The following FER1L6 variants were observed in gnomAD, a reference collection of about 807,000 sequenced individuals.
FER1L6 encodes the protein fer-1-like protein 6.
In FER1L6, 177 loss-of-function variants were observed where a neutral mutation model predicts 219.2. The ratio of observed to expected loss-of-function variants is 0.81; its 90% confidence interval spans 0.71 to 0.91. The LOEUF is 0.91. FER1L6 is among the 40% of genes least tolerant of loss of function. The pLI is 0.00. For synonymous variants in FER1L6, 768 were observed against 824.3 expected (o/e 0.93, Z 1.17); for missense variants, 2,153 against 2,259.9 (o/e 0.95, Z 0.96).
intron 1 of FER1L6, among the ~76,000 whole-genome samples, chr8:123,908,066 G>T (rs1411053560): frequency 1.3e-5 from 2 of 152,040 alleles, no homozygotes; most frequent in African/African-American, 4.8e-5. Context: ...CACCATACCT[G>T]ATAAACTGTT....
chr8:124,039,278 G>A (rs530785587), intron 19 of FER1L6, among the ~76,000 whole-genome samples: 2 of 152,182 alleles, frequency 1.3e-5, no homozygotes, highest in Admixed American at 1.3e-4. Context: ...TACACAGTAG[G>A]TGCTCAGAAT....
At chr8:124,080,034 T>C (rs1017341190) in intron 32 of FER1L6, among the ~76,000 whole-genome samples, 2 of 152,186 alleles carry the variant, frequency 1.3e-5, no homozygotes, top group Non-Finnish European at 2.9e-5. Context: ...TACTTATCTC[T>C]TAAAAATCGC....
At chr8:124,107,107 C>A (rs559332350) in intron 39 of FER1L6, among the ~76,000 whole-genome samples, 2 of 152,028 alleles carry the variant, frequency 1.3e-5, no homozygotes, top group Non-Finnish European at 2.9e-5. Flanking sequence ...CGCCACCAAG[C>A]CCAGCTAATT....
At chr8:123,930,256 C>T (rs1446376417) in intron 1 of FER1L6, among the ~76,000 whole-genome samples, 1 of 152,104 alleles carries the variant, frequency 6.6e-6, no homozygotes, top group African/African-American at 2.4e-5. Context: ...TATCCACCAC[C>T]ACAATCAAGA....
chr8:124,087,170 ATC>A (rs376606273), intron 33 of FER1L6, among the ~76,000 whole-genome samples: 68 of 148,178 alleles, frequency 4.6e-4, no homozygotes, highest in Non-Finnish European at 5.7e-4. Flanking sequence ...TTCTACTCTG[ATC>A]TCTCTCTCTC....
intron 13 of FER1L6, among the ~76,000 whole-genome samples, chr8:124,008,528 A>C (rs1275331541): frequency 6.6e-6 from 1 of 152,238 alleles, no homozygotes; most frequent in African/African-American, 2.4e-5. Context: ...AAACTATAAA[A>C]ATTCTAGAAG....
intron 37 of FER1L6, among the ~76,000 whole-genome samples, chr8:124,099,110 G>A (rs1015567926): frequency 1.5e-4 from 23 of 152,146 alleles, no homozygotes; most frequent in South Asian, 4.2e-4. Flanking sequence ...ATTTTCTGCC[G>A]TCTAGCAGTT....
intron 11 of FER1L6, chr8:123,984,910 T>C (rs1816499567): frequency 1.3e-5 from 2 of 152,174 alleles, no homozygotes; most frequent in African/African-American, 4.8e-5. Context: ...ATCAATCCAA[T>C]TGCAAAACCA....
At chr8:124,068,303 G>A (rs552843817) in intron 28 of FER1L6, among the ~76,000 whole-genome samples, 99 of 152,264 alleles carry the variant, frequency 6.5e-4, no homozygotes, top group African/African-American at 2.2e-3. Context: ...GATGATAGAA[G>A]TGGAAAAACT....
intron 9 of FER1L6, 63 bp downstream of exon 9, chr8:123,976,147 T>C (rs1038452422): frequency 4.7e-5 from 59 of 1,253,978 alleles, no homozygotes; most frequent in Non-Finnish European, 6.3e-5. Context: ...ATCCAAGATA[T>C]GTTTAATCAA....
chr8:123,875,321 G>A (rs534297424), intron 1 of FER1L6, among the ~76,000 whole-genome samples: 12 of 152,296 alleles, frequency 7.9e-5, no homozygotes, highest in African/African-American at 2.4e-4. Flanking sequence ...CTTCCATGCT[G>A]TTAAATCCTA....
At chr8:124,000,615 G>A (rs1354780569) in intron 12 of FER1L6, among the ~76,000 whole-genome samples, 3 of 152,146 alleles carry the variant, frequency 2.0e-5, no homozygotes, top group Non-Finnish European at 4.4e-5. Flanking sequence ...ATTCCTCATA[G>A]AGTTGCAAAG....
At chr8:124,030,613 C>T (rs1249751665) in intron 18 of FER1L6, among the ~76,000 whole-genome samples, 2 of 152,062 alleles carry the variant, frequency 1.3e-5, no homozygotes, top group African/African-American at 4.8e-5. Context: ...TGGGCTGAGT[C>T]CACTCCTCAC....
At chr8:124,101,448 G>T in intron 38 of FER1L6, 110 bp downstream of exon 38, 1 of 1,018,650 alleles carries the variant, frequency 9.8e-7, no homozygotes, top group Non-Finnish European at 1.4e-6. Context: ...CACTATCTAT[G>T]ATAGCAAAAA....
intron 25 of FER1L6, among the ~76,000 whole-genome samples, chr8:124,063,375 T>C (rs1479981403): frequency 1.3e-5 from 2 of 152,194 alleles, no homozygotes; most frequent in Non-Finnish European, 2.9e-5. Context: ...TTCTCACCCC[T>C]TGGTCACAAA....
intron 39 of FER1L6, among the ~76,000 whole-genome samples, chr8:124,112,671 T>C (rs1030445395): frequency 2.6e-5 from 4 of 152,190 alleles, no homozygotes; most frequent in African/African-American, 4.8e-5. Context: ...TGCTTCCAGT[T>C]TGATGTGAAA....
In FER1L6 at chr8:124,017,625, T is replaced by C. The variant is rs1017883622; in HGVS notation, c.1923-3T>C. 23 of 1,606,554 alleles carry C rather than the reference T, an allele frequency of 1.4e-5. No individual in the cohort carries two copies. The highest frequency in any genetic ancestry group is 1.6e-5 in the Non-Finnish European group (19 of 1,174,536). Reference sequence around the variant, plus strand: ...TTTCAAAATTGTTATTCTTTTCTTATAGTGCCTTTATCTCTGAAGCAGAAA... The same window carrying C: ...TTTCAAAATTGTTATTCTTTTCTTACAGTGCCTTTATCTCTGAAGCAGAAA... On this transcript the variant is annotated splice_region_variant and splice_polypyrimidine_tract_variant and intron_variant, in intron 15 of 40. Transcript: ENST00000522917.
At chr8:124,014,800 TC>T in intron 15 of FER1L6, among the ~76,000 whole-genome samples, 1 of 152,250 alleles carries the variant, frequency 6.6e-6, no homozygotes, top group South Asian at 2.1e-4. Flanking sequence ...GAAACAAATT[TC>T]CCCAAAACTC....
intron 34 of FER1L6, among the ~76,000 whole-genome samples, chr8:124,094,688 T>A (rs1265472103): frequency 6.6e-6 from 1 of 152,176 alleles, no homozygotes; most frequent in Non-Finnish European, 1.5e-5. Context: ...GGTTTCACCA[T>A]TTTGGCCAGG....
Sources: allele counts gnomAD v4.1 joint callset (sites outside exome capture counted in the v4.1 genomes callset), GRCh38; gene constraint gnomAD v4.1.1; transcripts MANE v1.5; gene names NCBI Gene and HGNC (gene_info 2026-07-23, HGNC 2026-07-21).